The following KLRG1 variants were observed in gnomAD, a reference collection of about 807,000 sequenced individuals.
KLRG1 encodes the protein killer cell lectin like receptor G1.
In KLRG1, 16 loss-of-function variants were observed where a neutral mutation model predicts 21.8. That is an observed-to-expected ratio of 0.73 (90% CI 0.50 to 1.11). KLRG1 has a LOEUF of 1.11. Among genes scored for constraint, KLRG1 ranks in the 50% most tolerant of loss-of-function variants. KLRG1 has a pLI of 0.00. For synonymous variants in KLRG1, 69 were observed against 75.9 expected, an observed-to-expected ratio of 0.91 and a Z score of 0.47; for missense variants, 173 against 218.3, an observed-to-expected ratio of 0.79 and a Z score of 1.31.
At chr12:9,076,167 G>A in the KLRG1 span, among the ~76,000 whole-genome samples, 13 of 152,256 alleles carry the variant, frequency 8.5e-5, no homozygotes, top group African/African-American at 2.6e-4. Context: ...ATTTTCTTAT[G>A]TTTAAGGTTA....
At chr12:9,117,164 A>AAAACTATTTGGTATGGAGGAAT in the KLRG1 span, among the ~76,000 whole-genome samples, 1 of 152,208 alleles carries the variant, frequency 6.6e-6, no homozygotes, top group African/African-American at 2.4e-5. Context: ...GCATGAAATG[A>AAAACTATTTGGTATGGAGGAAT]AAACTATTTG....
the KLRG1 span, chr12:9,076,745 T>G: frequency 2.5e-6 from 4 of 1,613,778 alleles, no homozygotes; most frequent in Non-Finnish European, 3.4e-6. Context: ...GGATCTCAGG[T>G]GTGCTCTCAC....
At chr12:9,166,958 A>G in the KLRG1 span, 39 of 152,350 alleles carry the variant, frequency 2.6e-4, 1 homozygote, top group Admixed American at 2.0e-3. Flanking sequence ...TATTTCAGAA[A>G]TACCTTGTGA....
Position 8,992,000 on chromosome 12 carries a change from T to G in KLRG1, c.83-206T>G, listed in dbSNP as rs372338290. 5.0e-4 allele frequency: 228 copies of G among 459,488 alleles called. 1 individual carries two copies. Among genetic ancestry groups the G allele is most frequent in the African/African-American group, 3.4e-3 (172 of 50,438 alleles). 28.5% of individuals were successfully genotyped at this position (459,488 alleles called of 1,614,324 possible). A position where few individuals can be genotyped will look rare whatever the true frequency, so the allele number is the denominator to read the frequency against. On this transcript the variant is annotated intron_variant, in intron 1 of 4. Transcript: ENST00000356986. Reference sequence around the variant, plus strand: ...AAAAAGCATTCTTTATCTTGATAAATATAGTAAGTTCTTTGATACAGGTGT... The same window carrying G: ...AAAAAGCATTCTTTATCTTGATAAAGATAGTAAGTTCTTTGATACAGGTGT...
the KLRG1 span, among the ~76,000 whole-genome samples, chr12:9,189,050 A>G: frequency 1.3e-5 from 2 of 152,180 alleles, no homozygotes; most frequent in Non-Finnish European, 2.9e-5. Flanking sequence ...AAGAATCAAT[A>G]TCATGAAAAT....
At chr12:9,093,880 G>A in the KLRG1 span, among the ~76,000 whole-genome samples, 1 of 151,272 alleles carries the variant, frequency 6.6e-6, no homozygotes, top group Non-Finnish European at 1.5e-5. Context: ...GCGACAGAGT[G>A]AGACTTCGTC....
chr12:8,995,301 A>T lies in KLRG1; in HGVS notation c.357+13A>T. ...CAATCAGGAAATGGTAAATGCAAACATTTAGAAAATGTAGGGTTTTTGTTT... is the reference window on the plus strand; with the variant it reads ...CAATCAGGAAATGGTAAATGCAAACTTTTAGAAAATGTAGGGTTTTTGTTT... On this transcript the variant is annotated intron_variant, in intron 3 of 4. Coordinates refer to ENST00000356986, the MANE Select transcript of KLRG1 (RefSeq NM_005810.4). 6.3e-7 allele frequency: 1 copy of T among 1,595,174 alleles called. No homozygotes were observed. The highest frequency in any genetic ancestry group is 8.5e-7 in the Non-Finnish European group (1 of 1,174,228).
At chr12:9,002,556 C>T (rs1381674433) in intron 3 of KLRG1, among the ~76,000 whole-genome samples, 1 of 148,470 alleles carries the variant, frequency 6.7e-6, no homozygotes, top group Admixed American at 6.8e-5. Context: ...CAGTTACCAC[C>T]TTTACCTATA....
intron 1 of KLRG1, among the ~76,000 whole-genome samples, chr12:8,971,639 T>TACCC (rs1946570842): frequency 6.8e-6 from 1 of 147,884 alleles, no homozygotes; most frequent in Non-Finnish European, 1.5e-5. Flanking sequence ...TACAGGCGTG[T>TACCC]GCTACCACAC....
chr12:9,041,975 C>A, the KLRG1 span, among the ~76,000 whole-genome samples: 1 of 152,002 alleles, frequency 6.6e-6, no homozygotes, highest in East Asian at 1.9e-4. Flanking sequence ...GGTTTGGGGA[C>A]CAGGTGATGA....
the KLRG1 span, among the ~76,000 whole-genome samples, chr12:9,092,625 G>T: frequency 3.3e-5 from 5 of 152,158 alleles, no homozygotes; most frequent in Non-Finnish European, 7.3e-5. Flanking sequence ...TCTGTTTCCA[G>T]TGTCTCTCTG....
chr12:9,156,245 C>T, the KLRG1 span: 47 of 202,978 alleles, frequency 2.3e-4, no homozygotes, highest in Non-Finnish European at 3.5e-4. Context: ...GATTACTCTG[C>T]TTCCAGTACC....
intron 4 of KLRG1, 117 bp downstream of exon 4, chr12:9,009,192 G>C (rs1278724272): frequency 2.3e-6 from 2 of 885,886 alleles, no homozygotes; most frequent in Non-Finnish European, 3.4e-6. Context: ...GAATGAAAAG[G>C]AGAGGAAATA....
At chr12:9,191,793 GA>G in the KLRG1 span, among the ~76,000 whole-genome samples, 3 of 151,154 alleles carry the variant, frequency 2.0e-5, no homozygotes, top group African/African-American at 7.3e-5. Context: ...CCTGGCACAA[GA>G]AAAAAAAATC....
chr12:9,103,934 T>A, the KLRG1 span, among the ~76,000 whole-genome samples: 48 of 152,196 alleles, frequency 3.2e-4, no homozygotes, highest in Non-Finnish European at 5.6e-4. Context: ...TGTCCAGAAG[T>A]AGGATTACTG....
chr12:9,102,643 T>G, the KLRG1 span, among the ~76,000 whole-genome samples: 1,542 of 152,314 alleles, frequency 0.01, 25 homozygotes, highest in African/African-American at 0.035. Flanking sequence ...TTCCTCTACC[T>G]TCATCCCCAG....
At chr12:9,113,606 CT>C in the KLRG1 span, 1 of 1,462,080 alleles carries the variant, frequency 6.8e-7, no homozygotes. Context: ...ATCAACAGCA[CT>C]TTTTTCCATC....
At chr12:9,032,052 A>G in the KLRG1 span, among the ~76,000 whole-genome samples, 3 of 152,342 alleles carry the variant, frequency 2.0e-5, no homozygotes, top group Non-Finnish European at 2.9e-5. Context: ...CGCAGAAGTA[A>G]TACTTAACCA....
In KLRG1 at chr12:8,989,629, GCTGAAGATGA is replaced by G; in HGVS notation, c.-2_8del. 6.3e-7 allele frequency: 1 copy of G among 1,587,640 alleles called. No homozygotes were observed. Among genetic ancestry groups the G allele is most frequent in the Non-Finnish European group, 8.6e-7 (1 of 1,157,846 alleles). On this transcript the variant is annotated start_lost and 5_prime_UTR_variant, in exon 1 of 5. Coordinates refer to ENST00000356986, the MANE Select transcript of KLRG1 (RefSeq NM_005810.4). ...TCTCAACTGCATGTGAAAGATCTTA[GCTGAAGATGA>G]CTGACAGTGTTATTTATTCCATGTT...
Sources: allele counts gnomAD v4.1 joint callset (sites outside exome capture counted in the v4.1 genomes callset), GRCh38; gene constraint gnomAD v4.1.1; transcripts MANE v1.5; gene names NCBI Gene and HGNC (gene_info 2026-07-23, HGNC 2026-07-21).